MSI2: variants seen among roughly 807,000 people sequenced by gnomAD.
MSI2 encodes the protein RNA-binding protein Musashi homolog 2.
MSI2 carries 17 observed loss-of-function variants against 45.6 expected under a neutral mutation model. The observed-to-expected ratio is 0.37, with a 90% confidence interval of 0.26 to 0.56. The LOEUF is 0.56. Among genes scored for constraint, MSI2 ranks in the 20% least tolerant of loss-of-function variants. MSI2 has a pLI of 0.77. For synonymous variants in MSI2, 156 were observed against 158.2 expected (o/e 0.99, Z 0.11); for missense variants, 293 against 444.2 (o/e 0.66, Z 3.06).
chr17:57,542,930 T>C (rs1338745715), intron 7 of MSI2, among the ~76,000 whole-genome samples: 1 of 152,230 alleles, frequency 6.6e-6, no homozygotes, highest in Non-Finnish European at 1.5e-5. Flanking sequence ...TAATGATTGC[T>C]ATTTGCTTGA....
At chr17:57,474,704 T>TTTTTTG (rs140056381) in intron 6 of MSI2, among the ~76,000 whole-genome samples, 21 of 149,204 alleles carry the variant, frequency 1.4e-4, no homozygotes, top group East Asian at 6.0e-4. Flanking sequence ...TTTTTGTTGT[T>TTTTTTG]TTTTTGTTTT....
At chr17:57,515,297 G>A (rs546619458) in intron 6 of MSI2, among the ~76,000 whole-genome samples, 88 of 152,224 alleles carry the variant, frequency 5.8e-4, no homozygotes, top group African/African-American at 2.1e-3. Context: ...TCCGCCTCCC[G>A]GGTTTAAGCA....
At chr17:57,527,697 G>C (rs1462907428) in intron 6 of MSI2, among the ~76,000 whole-genome samples, 1 of 152,226 alleles carries the variant, frequency 6.6e-6, no homozygotes, top group Non-Finnish European at 1.5e-5. Flanking sequence ...TGGTTGCTTA[G>C]CAACAAAAGG....
chr17:57,623,688 C>G (rs1185756842), intron 9 of MSI2, among the ~76,000 whole-genome samples: 1 of 152,092 alleles, frequency 6.6e-6, no homozygotes, highest in Non-Finnish European at 1.5e-5. Context: ...TGGGAGGGGC[C>G]AGGCTGCTAA....
chr17:57,323,631 G>A (rs1170623953), intron 5 of MSI2, among the ~76,000 whole-genome samples: 1 of 152,268 alleles, frequency 6.6e-6, no homozygotes, highest in African/African-American at 2.4e-5. Context: ...AAGCTCCGTG[G>A]AGGAGCAGTT....
chr17:57,398,788 C>T (rs1459485390), intron 5 of MSI2, among the ~76,000 whole-genome samples: 4 of 152,174 alleles, frequency 2.6e-5, no homozygotes, highest in African/African-American at 9.7e-5. Context: ...AATATAAGCT[C>T]CGGCACCTCG....
Position 57,451,887 on chromosome 17 carries a change from ATC to A in MSI2, c.405+50418_405+50419del, listed in dbSNP as rs2085025891. ...AGAAAGAGGGAAGGGACAGGGTACA[ATC>A]TGTCACCCTCATCAGCTGGCTAGCC... On this transcript the variant is annotated intron_variant, in intron 6 of 13. Transcript: ENST00000284073. Among the ~76,000 whole-genome samples the A allele has an allele frequency of 3.9e-5, 6 of 152,292 alleles. No individual in the cohort carries two copies. In the South Asian group the frequency reaches 1.2e-3, roughly 32 times the overall value.
At chr17:57,626,105 G>C (rs1335620989) in intron 9 of MSI2, 1 of 152,170 alleles carries the variant, frequency 6.6e-6, no homozygotes, top group African/African-American at 2.4e-5. Flanking sequence ...TGGCCGGGGG[G>C]GTGGGCCTCT....
At chr17:57,258,505 G>A in intron 4 of MSI2, 151 bp downstream of exon 4, 2 of 711,230 alleles carry the variant, frequency 2.8e-6, no homozygotes, top group Admixed American at 2.4e-5. Flanking sequence ...AAAGTTTGCT[G>A]CTGTGGCTGG....
At chr17:57,333,479 C>T (rs1480954006) in intron 5 of MSI2, among the ~76,000 whole-genome samples, 5 of 151,644 alleles carry the variant, frequency 3.3e-5, no homozygotes, top group African/African-American at 1.2e-4. Flanking sequence ...ACTCCATCGC[C>T]CAGGCTGGAG....
At chr17:57,401,325 C>A (rs560676237) in intron 5 of MSI2, 54 bp from the exon 6 acceptor site, 1 of 1,432,138 alleles carries the variant, frequency 7.0e-7, no homozygotes, top group Admixed American at 1.7e-5. Flanking sequence ...GCCTCTTGAG[C>A]CCTGCTTTAG....
chr17:57,687,360 A>G (rs976105605), downstream of MSI2, among the ~76,000 whole-genome samples: 2 of 152,082 alleles, frequency 1.3e-5, no homozygotes, highest in African/African-American at 4.8e-5. Context: ...ACATAAGTCC[A>G]AAGGCTGTAT....
intron 6 of MSI2, among the ~76,000 whole-genome samples, chr17:57,475,452 GT>G (rs2085519425): frequency 6.6e-6 from 1 of 152,148 alleles, no homozygotes. Context: ...GACCTGATAG[GT>G]AGTGTACTGT....
intron 5 of MSI2, among the ~76,000 whole-genome samples, chr17:57,347,071 C>G (rs1915673976): frequency 6.6e-6 from 1 of 152,174 alleles, no homozygotes; most frequent in Non-Finnish European, 1.5e-5. Context: ...AAACACATAT[C>G]AGTTATGCTT....
intron 4 of MSI2, among the ~76,000 whole-genome samples, chr17:57,259,219 T>C (rs1482913352): frequency 6.6e-6 from 1 of 152,254 alleles, no homozygotes; most frequent in African/African-American, 2.4e-5. Context: ...TTAATATATA[T>C]CTGCCCCAAA....
intron 7 of MSI2, among the ~76,000 whole-genome samples, chr17:57,533,184 C>T (rs764943036): frequency 3.9e-5 from 6 of 152,162 alleles, no homozygotes; most frequent in East Asian, 1.9e-4. Flanking sequence ...ATCTGCATGG[C>T]GGCAGCTTGT....
chr17:57,414,898 C>A (rs1417668956), intron 6 of MSI2, among the ~76,000 whole-genome samples: 1 of 152,092 alleles, frequency 6.6e-6, no homozygotes, highest in African/African-American at 2.4e-5. Flanking sequence ...TCGGTAGATT[C>A]TCAGGCAGGT....
At chr17:57,468,741 G>A (rs1391422903) in intron 6 of MSI2, among the ~76,000 whole-genome samples, 1 of 152,072 alleles carries the variant, frequency 6.6e-6, no homozygotes, top group Admixed American at 6.6e-5. Context: ...GTGTGGTAGA[G>A]TGGCTGCCCA....
chr17:57,463,258 T>C (rs1019782318), intron 6 of MSI2, among the ~76,000 whole-genome samples: 6 of 152,132 alleles, frequency 3.9e-5, no homozygotes, highest in Non-Finnish European at 8.8e-5. Context: ...GCATTGTGTA[T>C]GTAGGAGTGG....
Sources: gnomAD v4.1 joint callset for allele counts (sites outside exome capture counted in the v4.1 genomes callset) on GRCh38, gnomAD v4.1.1 for gene constraint, MANE v1.5 for transcripts, NCBI Gene and HGNC (gene_info 2026-07-23, HGNC 2026-07-21) for gene names.